AKR1C2: variants seen among roughly 807,000 people sequenced by gnomAD.
The protein encoded by AKR1C2 is 3-alpha-HSD3.
AKR1C2 carries 27 observed loss-of-function variants against 39.8 expected under a neutral mutation model. That is an observed-to-expected ratio of 0.68 (90% CI 0.50 to 0.93). The LOEUF is 0.93. Ranked by LOEUF, AKR1C2 falls within the 40% of genes least tolerant of loss-of-function variation. The pLI, the probability that AKR1C2 is intolerant of heterozygous loss-of-function variation, is 0.00. For missense variants in AKR1C2, 263 were observed against 365.1 expected (o/e 0.72, Z 2.28); for synonymous variants, 114 against 137.9 (o/e 0.83, Z 1.22).
At chr10:5,005,395 C>T (rs1473064673), upstream of AKR1C2, among the ~76,000 whole-genome samples, 2 of 152,076 alleles carry the variant, frequency 1.3e-5, no homozygotes, top group African/African-American at 2.4e-5. Flanking sequence ...AATAACAAGG[C>T]ATACAGGCCA....
intron 7 of AKR1C2, among the ~76,000 whole-genome samples, chr10:4,993,878 T>C (rs1324982792): frequency 6.6e-6 from 1 of 151,642 alleles, no homozygotes; most frequent in Non-Finnish European, 1.5e-5. Context: ...TAAATACTGA[T>C]AATTTCCACA....
At chr10:4,998,093 C>T (rs1837123984) in intron 5 of AKR1C2, among the ~76,000 whole-genome samples, 1 of 152,172 alleles carries the variant, frequency 6.6e-6, no homozygotes, top group African/African-American at 2.4e-5. Context: ...CCATGGATGA[C>T]CTTCACTGTC....
intron 1 of AKR1C2, among the ~76,000 whole-genome samples, chr10:5,009,731 AC>A (rs1837482148): frequency 6.6e-6 from 1 of 151,946 alleles, no homozygotes; most frequent in Non-Finnish European, 1.5e-5. Flanking sequence ...CCTTATATAA[AC>A]CCCCAAAGCC....
In AKR1C2 at chr10:4,989,114, A is replaced by G. The variant is rs1218662471; in HGVS notation, c.*882T>C. 6.6e-6 allele frequency: 1 copy of G among 152,128 alleles called. No homozygotes were observed. The highest frequency in any genetic ancestry group is 1.5e-5 in the Non-Finnish European group (1 of 68,030). The allele number at this position is 152,128 out of a possible 1,614,324, so 9.4% of individuals were successfully genotyped here. ...ATTGCATATAACAAATGAACAGTACATTTTTACAATCTAAGAATATTTTCT... is the reference window on the plus strand; with the variant it reads ...ATTGCATATAACAAATGAACAGTACGTTTTTACAATCTAAGAATATTTTCT... On this transcript the variant is annotated 3_prime_UTR_variant, in exon 9 of 9. Coordinates refer to ENST00000380753, the MANE Select transcript of AKR1C2 (RefSeq NM_001393392.1).
At chr10:5,014,740 CTAACA>C (rs1554775208) in intron 1 of AKR1C2, among the ~76,000 whole-genome samples, 3 of 152,198 alleles carry the variant, frequency 2.0e-5, no homozygotes, top group African/African-American at 7.2e-5. Flanking sequence ...TGGACAATGT[CTAACA>C]GCTGTTTCCC....
Position 4,998,625 on chromosome 10 carries a change from C to G in AKR1C2, c.570G>C (p.Gln190His). 1 of 1,614,064 alleles carries G rather than the reference C, an allele frequency of 6.2e-7. No individual in the cohort carries two copies. The highest frequency in any genetic ancestry group is 8.5e-7 in the Non-Finnish European group (1 of 1,179,984). The change falls in exon 5 of 9, where the codon CAG (glutamine) becomes CAC (histidine). Residue 190 changes from glutamine to histidine, a missense_variant and splice_region_variant. Around this residue, in one of 3 missense-constraint regions of AKR1C2, gnomAD observed 247 missense variants for 267.9 expected, o/e 0.92. Coordinates refer to ENST00000380753, the MANE Select transcript of AKR1C2 (RefSeq NM_001393392.1). The part of the protein sequence containing the change: ...PGLKYKPVCN[Q>H]VECHPYFNQR... ...AGGAGAGGAGGCTGAGGGCGCTCAC[C>G]TGGTTGCAGACAGGCTTGTACTTGA...
At chr10:4,993,275 A>T (rs3885232) in intron 7 of AKR1C2, among the ~76,000 whole-genome samples, 68,651 of 152,056 alleles carry the variant, frequency 0.45, 16,366 homozygotes, top group Non-Finnish European at 0.51. Context: ...CTTACTTTTT[A>T]ACATTATAGC....
intron 7 of AKR1C2, among the ~76,000 whole-genome samples, chr10:4,994,098 A>C (rs1836937353): frequency 6.6e-6 from 1 of 151,630 alleles, no homozygotes; most frequent in Non-Finnish European, 1.5e-5. Context: ...TGACGTATAT[A>C]CATATACATG....
chr10:4,988,070 G>T lies in AKR1C2; in HGVS notation c.*1926C>A, dbSNP rs1156784339. ...GGTGAAGAACTGGAAAAAGCCCACA[G>T]CAGCCGTACTATTTACAAATGACTG... is the stretch of plus-strand genomic sequence containing the variant. On this transcript the variant is annotated 3_prime_UTR_variant, in exon 9 of 9. Coordinates refer to ENST00000380753, the MANE Select transcript of AKR1C2 (RefSeq NM_001393392.1). The T allele has an allele frequency of 1.3e-5, 2 of 152,016 alleles. No homozygotes were observed. The highest frequency in any genetic ancestry group is 3.9e-4 in the East Asian group (2 of 5,194). The allele number at this position is 152,016 out of a possible 1,614,324, so 9.4% of individuals were successfully genotyped here.
chr10:5,012,291 T>TACAGG (rs1554774988), intron 1 of AKR1C2, among the ~76,000 whole-genome samples: 60 of 151,882 alleles, frequency 4.0e-4, no homozygotes, highest in African/African-American at 1.3e-3. Context: ...TACTGCTCCC[T>TACAGG]CCCCCTGCCC....
At chr10:5,002,558 C>G (rs1461332737) in intron 1 of AKR1C2, among the ~76,000 whole-genome samples, 1 of 143,314 alleles carries the variant, frequency 7.0e-6, no homozygotes, top group Non-Finnish European at 1.5e-5. Context: ...TGGGGTTCAG[C>G]TCCATAAATT....
At position 4,990,027 on chromosome 10, in the gene AKR1C2, G is replaced by A. The variant is rs1554771957; in HGVS notation, c.941C>T (p.Pro314Leu). 1.2e-6 allele frequency: 2 copies of A among 1,602,352 alleles called. No homozygotes were observed. The highest frequency in any genetic ancestry group is 2.3e-5 in the East Asian group (1 of 43,652). ...RYLTLDIFAG[P>L]PNYPFSDEY is the part of the protein sequence containing the mutation. ...TTCATCAGAAAATGGATAATTAGGG[G>A]GGCCAGCAAAACTGGAAAGAGAAAA... The change falls in exon 9 of 9, where the codon CCC (proline) becomes CTC (leucine). Residue 314 changes from proline to leucine, a missense_variant. Coordinates refer to ENST00000380753, the MANE Select transcript of AKR1C2 (RefSeq NM_001393392.1).
chr10:5,002,597 T>C lies in AKR1C2; in HGVS notation c.85-916A>G, dbSNP rs145649685. Among the ~76,000 whole-genome samples the C allele has an allele frequency of 4.0e-3, 607 of 152,308 alleles. 4 individuals are homozygous for C. Among genetic ancestry groups the C allele is most frequent in the African/African-American group, 0.014 (575 of 41,576 alleles). The stretch of plus-strand genomic sequence containing the variant: ...GGCAACTCTGTCAGGAAACATATGA[T>C]TGCAGTAAAATTTACAATTATTGAC... On this transcript the variant is annotated intron_variant, in intron 1 of 8. Transcript: ENST00000380753.
At chr10:5,010,697 T>C (rs1837504745) in intron 1 of AKR1C2, 2 of 152,198 alleles carry the variant, frequency 1.3e-5, no homozygotes, top group African/African-American at 4.8e-5. Flanking sequence ...TGAGTGACCT[T>C]AGCAAAGCTT....
At position 4,988,104 on chromosome 10, in the gene AKR1C2, A is replaced by C. The variant is rs1554771670; in HGVS notation, c.*1892T>G. ...CTATTTACAAATGACTGACCTAATG[A>C]TTATTTCACATCTTGAAAAAAGAGT... On this transcript the variant is annotated 3_prime_UTR_variant, in exon 9 of 9. Transcript: ENST00000380753. The C allele has an allele frequency of 6.6e-6, 1 of 152,196 alleles. No homozygotes were observed. Among genetic ancestry groups the C allele is most frequent in the African/African-American group, 2.4e-5 (1 of 41,440 alleles). 9.4% of individuals were successfully genotyped at this position (152,196 alleles called of 1,614,324 possible).
chr10:5,008,398 G>A (rs1467478608), upstream of AKR1C2, among the ~76,000 whole-genome samples: 1 of 151,982 alleles, frequency 6.6e-6, no homozygotes, highest in South Asian at 2.1e-4. Context: ...TCCTCTGCTT[G>A]TCACTCTCTA....
At chr10:4,994,439 C>T (rs1294442566) in intron 7 of AKR1C2, among the ~76,000 whole-genome samples, 4 of 152,074 alleles carry the variant, frequency 2.6e-5, no homozygotes, top group Non-Finnish European at 5.9e-5. Context: ...GTGTGTTTCC[C>T]CACCCCTTGA....
chr10:4,997,926 T>G (rs558736915), intron 5 of AKR1C2, among the ~76,000 whole-genome samples: 1 of 152,152 alleles, frequency 6.6e-6, no homozygotes, highest in African/African-American at 2.4e-5. Context: ...ATAGAATAGA[T>G]GTGTTTAAGC....
chr10:4,991,030 C>G (rs1836822886), intron 8 of AKR1C2, among the ~76,000 whole-genome samples: 1 of 151,222 alleles, frequency 6.6e-6, no homozygotes, highest in Non-Finnish European at 1.5e-5. Flanking sequence ...CCATCAGTTA[C>G]ATAACTTCTT....
Sources: gnomAD v4.1 joint callset for allele counts (sites outside exome capture counted in the v4.1 genomes callset) on GRCh38, gnomAD v4.1.1 for gene constraint, gnomAD v4.1.1 regional missense constraint, MANE v1.5 for transcripts, NCBI Gene and HGNC (gene_info 2026-07-23, HGNC 2026-07-21) for gene names.